Variants in NLRP7 observed in about 807,000 individuals in gnomAD.
NLRP7 encodes NACHT, LRR and PYD domains-containing protein 7.
A neutral mutation model predicts 85.5 loss-of-function variants in NLRP7; 72 were observed. The ratio of observed to expected loss-of-function variants is 0.84; its 90% CI spans 0.70 to 1.02. The LOEUF (loss-of-function observed/expected upper bound fraction) is 1.02. Among genes scored for constraint, NLRP7 ranks in the 50% least tolerant of loss-of-function variants. NLRP7 has a pLI of 0.00. For synonymous variants in NLRP7, 550 were observed against 505.2 expected (o/e 1.09, Z -1.19); for missense variants, 1,243 against 1,219.5 (o/e 1.02, Z -0.29).
At chr19:54,964,560 C>T (rs62124623) in intron 1 of NLRP7, among the ~76,000 whole-genome samples, 9,269 of 150,392 alleles carry the variant, frequency 0.062, no homozygotes, top group African/African-American at 0.12. Context: ...CGGTGGCTCA[C>T]GCCTGTAATC....
At chr19:54,962,152 A>G (rs1350769900) in intron 1 of NLRP7, among the ~76,000 whole-genome samples, 11 of 142,970 alleles carry the variant, frequency 7.7e-5, no homozygotes, top group Non-Finnish European at 1.7e-4. Context: ...GACAAGAGCA[A>G]AACTCCATCT....
Position 54,939,564 on chromosome 19 carries a change from C to G in NLRP7, c.1255G>C (p.Ala419Pro), listed in dbSNP as rs765342958. ...ATCTGCGCCCACAGGCCCTGCGCGGCCAGGAGGCTCAGCGTCCGCAGCGCG... is the reference window on the plus strand; with the variant it reads ...ATCTGCGCCCACAGGCCCTGCGCGGGCAGGAGGCTCAGCGTCCGCAGCGCG... Residue 419 changes from alanine to proline, a missense_variant, in exon 4 of 10, where the codon GCC becomes CCC. Physicochemically the swap from Ala to Pro is conservative, Grantham distance 27. Around this residue, in one of 3 missense-constraint regions of NLRP7, gnomAD observed 591 missense variants for 563.3 expected, o/e 1.05. Transcript: ENST00000340844. 14 of 1,612,386 alleles carry G rather than the reference C, an allele frequency of 8.7e-6. No homozygotes were observed. The Admixed American group carries it at 2.3e-4, about 27-fold the overall frequency.
chr19:54,939,505 G>A (rs1311261854), exon 4 of NLRP7: 4 of 1,613,836 alleles, frequency 2.5e-6, no homozygotes, highest in East Asian at 2.2e-5. Context: ...CCTGCACCCC[G>A]AGCCTTTCCA....
In NLRP7 at chr19:54,962,852, G is replaced by C. The variant is rs1023936371; in HGVS notation, c.-77+3188C>G. Among the ~76,000 whole-genome samples the C allele has an allele frequency of 4.1e-4, 62 of 151,972 alleles. 1 individual carries two copies. Among genetic ancestry groups the C allele is most frequent in the African/African-American group, 1.4e-3 (60 of 41,498 alleles). ...CTGACCTCGTGATCCGCCCGCCTCG[G>C]CCTCCCAAAGTGCTGGGATTACAGG... On this transcript the variant is annotated intron_variant, in intron 1 of 2. Coordinates refer to the NLRP7 transcript ENST00000587103.
rs781476110 is a variant in NLRP7, at chr19:54,941,428, T to C, written c.277+7A>G. ...AAAATGACCAGGACACCCCAGGTTCTACTTACCCATCATCTCAGCCTTTGC... is the reference window on the plus strand; with the variant it reads ...AAAATGACCAGGACACCCCAGGTTCCACTTACCCATCATCTCAGCCTTTGC... On this transcript the variant is annotated splice_region_variant and intron_variant, in intron 2 of 9. Transcript: ENST00000340844. 4 of 1,383,232 alleles carry C rather than the reference T, an allele frequency of 2.9e-6. No individual in the cohort carries two copies. In the African/African-American group the frequency reaches 4.3e-5, roughly 15 times the overall value. The allele number at this position is 1,383,232 out of a possible 1,614,324, so 85.7% of individuals were successfully genotyped here.
In NLRP7 at chr19:54,939,955, C is replaced by G. The variant is rs780342252; in HGVS notation, c.864G>C (p.Lys288Asn). 8.7e-6 allele frequency: 14 copies of G among 1,614,064 alleles called. No homozygotes were observed. In the Admixed American group the frequency reaches 1.3e-4, roughly 15 times the overall value. The change falls in exon 4 of 10, where the codon AAG becomes AAC. Residue 288 changes from lysine to asparagine, a missense_variant. Lys to Asn is a moderately conservative substitution (Grantham distance 94). This residue lies in a region of NLRP7 where 591 missense variants were observed against 563.3 expected (regional missense o/e 1.05). Coordinates refer to ENST00000340844, the Ensembl canonical transcript of NLRP7. ...AGGCTGCCCTGGGTAACATCTTCCT[C>G]TTCAGCAAACTCCCCAGGAGGACGG...
intron 1 of NLRP7, among the ~76,000 whole-genome samples, chr19:54,960,875 G>A (rs1038977277): frequency 3.3e-5 from 5 of 151,940 alleles, no homozygotes; most frequent in Admixed American, 2.0e-4. Context: ...GATTACAGGC[G>A]TGAGCCACCA....
At chr19:54,937,679 C>G (rs896374713) in intron 5 of NLRP7, among the ~76,000 whole-genome samples, 1 of 152,076 alleles carries the variant, frequency 6.6e-6, no homozygotes, top group African/African-American at 2.4e-5. Flanking sequence ...AGGCAAATCA[C>G]CTGAGGTCAG....
chr19:54,942,125 G>A (rs750879394), intron 1 of NLRP7, among the ~76,000 whole-genome samples: 2 of 151,058 alleles, frequency 1.3e-5, no homozygotes, highest in African/African-American at 2.4e-5. Flanking sequence ...GCGTGGTGGC[G>A]GGCACCTGTA....
intron 1 of NLRP7, among the ~76,000 whole-genome samples, chr19:54,964,676 A>G (rs1416640276): frequency 1.0e-4 from 15 of 148,510 alleles, no homozygotes; most frequent in African/African-American, 3.4e-4. Context: ...AAATACAAAA[A>G]TTAACCAGGC....
intron 1 of NLRP7, among the ~76,000 whole-genome samples, chr19:54,943,165 C>T (rs1490590311): frequency 6.6e-6 from 1 of 151,398 alleles, no homozygotes; most frequent in Non-Finnish European, 1.5e-5. Context: ...AAAAACTTAG[C>T]CAGGCCTGGT....
At chr19:54,941,207 CAA>C (rs111382825) in intron 2 of NLRP7, among the ~76,000 whole-genome samples, 2,620 of 142,860 alleles carry the variant, frequency 0.018, 91 homozygotes, top group African/African-American at 0.062. Context: ...ACTAAAAATA[CAA>C]AAAAAAAAAA....
upstream of NLRP7, chr19:54,947,566 C>T (rs186043901): frequency 1.2e-5 from 16 of 1,289,690 alleles, no homozygotes; most frequent in East Asian, 8.3e-4. Context: ...GGTGGAGAGA[C>T]AGCTTTCCCG....
intron 1 of NLRP7, among the ~76,000 whole-genome samples, chr19:54,964,815 G>T (rs2070275228): frequency 7.4e-6 from 1 of 134,826 alleles, no homozygotes; most frequent in African/African-American, 2.8e-5. Flanking sequence ...AACAGAGCAA[G>T]ACTCCATTAA....
intron 1 of NLRP7, among the ~76,000 whole-genome samples, chr19:54,952,948 C>T (rs1252315474): frequency 1.1e-4 from 16 of 151,962 alleles, no homozygotes; most frequent in Non-Finnish European, 1.5e-5. Context: ...CCAGCCTGGC[C>T]AACACGGTGA....
chr19:54,941,346 C>A (rs2069210178), intron 2 of NLRP7, 89 bp downstream of exon 2: 2 of 976,352 alleles, frequency 2.0e-6, no homozygotes, highest in Admixed American at 3.8e-5. Context: ...TCCAGCCTTA[C>A]ACTCCAGCCT....
intron 1 of NLRP7, among the ~76,000 whole-genome samples, chr19:54,952,864 C>A (rs935652858): frequency 6.6e-6 from 1 of 151,858 alleles, no homozygotes; most frequent in African/African-American, 2.4e-5. Flanking sequence ...CCAAAAAAAA[C>A]AAAAATGACA....
chr19:54,960,883 C>T (rs900523261), intron 1 of NLRP7, among the ~76,000 whole-genome samples: 2 of 151,988 alleles, frequency 1.3e-5, no homozygotes, highest in African/African-American at 4.8e-5. Context: ...GCGTGAGCCA[C>T]CATGCCCAGC....
chr19:54,960,736 C>T (rs1008886700), intron 1 of NLRP7, among the ~76,000 whole-genome samples: 25 of 152,190 alleles, frequency 1.6e-4, no homozygotes, highest in Admixed American at 2.0e-4. Context: ...GCTGGGACTA[C>T]AGGCACCCGC....
Sources: allele counts gnomAD v4.1 joint callset (sites outside exome capture counted in the v4.1 genomes callset), GRCh38; gene constraint gnomAD v4.1.1; regional missense constraint gnomAD v4.1.1; transcripts MANE v1.5; gene names NCBI Gene and HGNC (gene_info 2026-07-23, HGNC 2026-07-21).